Variants in STAP2 observed in about 807,000 individuals in gnomAD.
STAP2 encodes signal transducing adaptor family member 2.
Under a neutral mutation model 52.7 loss-of-function variants are expected in STAP2, and 58 were observed. The observed-to-expected ratio is 1.10, with a 90% CI of 0.89 to 1.37. The LOEUF (loss-of-function observed/expected upper bound fraction) is 1.37. Ranked by LOEUF, STAP2 falls within the 40% of genes most tolerant of loss-of-function variation. The pLI, the probability that STAP2 is intolerant of heterozygous loss-of-function variation, is 0.00. For missense variants in STAP2, 522 were observed against 519.4 expected (o/e 1.00, Z -0.05); for synonymous variants, 231 against 210.5 (o/e 1.10, Z -0.84).
chr19:4,332,175 G>A (rs1971902467), intron 3 of STAP2, 97 bp from the exon 4 acceptor site: 3 of 760,750 alleles, frequency 3.9e-6, no homozygotes, highest in East Asian at 3.4e-5. Flanking sequence ...TCAAAGGGCC[G>A]TTTTCTTTTT....
chr19:4,327,180 T>G lies in STAP2; in HGVS notation c.707A>C (p.His236Pro). 1 of 1,614,122 alleles carries G rather than the reference T, an allele frequency of 6.2e-7. No homozygotes were observed. The change falls in exon 8 of 13, where the codon CAT (histidine) becomes CCT (proline). Residue 236 changes from histidine to proline, a missense_variant. By Grantham distance (77) the His-to-Pro change is moderately conservative. Coordinates refer to ENST00000594605, the MANE Select transcript of STAP2 (RefSeq NM_001013841.2). Reference sequence around the variant, plus strand: ...GAATGGCACCAGCGCCTTTTTGGTATGCGACACGAAATAGTTGACCACGGC... The same window carrying G: ...GAATGGCACCAGCGCCTTTTTGGTAGGCGACACGAAATAGTTGACCACGGC... Reference protein sequence around the residue: ...LDAVVNYFVSHTKKALVPFLL... With the variant: ...LDAVVNYFVSPTKKALVPFLL...
At position 4,332,059 on chromosome 19, in the gene STAP2, C is replaced by G. The variant is rs1174654924; in HGVS notation, c.317G>C (p.Arg106Pro). The change falls in exon 4 of 13, where the codon CGG (arginine) becomes CCG (proline). Residue 106 changes from arginine (R) to proline (P), a missense_variant. Physicochemically the swap from Arg to Pro is moderately radical, Grantham distance 103. Transcript: ENST00000594605. ...TAAGATGAAGCCTTTCCACATTTCCCGACACTCCAAGGTCTCTACCTGGGG... is the reference window on the plus strand; with the variant it reads ...TAAGATGAAGCCTTTCCACATTTCCGGACACTCCAAGGTCTCTACCTGGGG... ...IKFKVETLEC[R>P]EMWKGFILTV... 1 of 1,613,112 alleles carries G rather than the reference C, an allele frequency of 6.2e-7. No individual in the cohort carries two copies. Among genetic ancestry groups the G allele is most frequent in the Non-Finnish European group, 8.5e-7 (1 of 1,179,776 alleles).
intron 1 of STAP2, 89 bp downstream of exon 1, chr19:4,338,563 C>T: frequency 2.5e-6 from 2 of 811,930 alleles, no homozygotes; most frequent in South Asian, 1.7e-5. Context: ...CCCCGCCCCC[C>T]CTTGGCGAGT....
intron 11 of STAP2, 24 bp downstream of exon 11, chr19:4,325,192 G>T (rs1034972635): frequency 2.6e-6 from 4 of 1,557,056 alleles, no homozygotes; most frequent in Non-Finnish European, 3.5e-6. Flanking sequence ...TCAGGTGAGG[G>T]TGGGATATGG....
intron 4 of STAP2, 63 bp from the exon 5 acceptor site, chr19:4,330,124 A>G (rs1971865865): frequency 7.4e-7 from 1 of 1,347,180 alleles, no homozygotes; most frequent in African/African-American, 1.4e-5. Flanking sequence ...GCTGTGCCCA[A>G]GTCACAGAGT....
chr19:4,337,065 C>T (rs1044827988), intron 1 of STAP2, among the ~76,000 whole-genome samples: 6 of 151,900 alleles, frequency 3.9e-5, no homozygotes, highest in African/African-American at 1.2e-4. Flanking sequence ...GGGGCAGAGG[C>T]GGGGACATGG....
chr19:4,333,267 G>T (rs1180617932), intron 3 of STAP2, among the ~76,000 whole-genome samples: 2 of 152,106 alleles, frequency 1.3e-5, no homozygotes, highest in African/African-American at 4.8e-5. Flanking sequence ...AGCCGAGGTG[G>T]GTGGATCACC....
chr19:4,324,295 GC>G (rs1971746482), intron 12 of STAP2, 98 bp from the exon 13 acceptor site: 9 of 1,375,058 alleles, frequency 6.5e-6, no homozygotes, highest in South Asian at 1.2e-5. Flanking sequence ...GATTTGCAGG[GC>G]CCCGTGCAAC....
chr19:4,333,050 C>T lies in STAP2; in HGVS notation c.297+644G>A, dbSNP rs536611977. ...ACCAAAAATACAAAAATTAGCTGTG[C>T]GTGGTGGCACACGCCTGTAATCCCA... is the stretch of plus-strand genomic sequence containing the variant. On this transcript the variant is annotated intron_variant, in intron 3 of 12. Transcript: ENST00000594605. Among the ~76,000 whole-genome samples, 73 of 150,408 alleles carry T rather than the reference C, an allele frequency of 4.9e-4. No homozygotes were observed. The South Asian group carries it at 0.011, about 23-fold the overall frequency.
At chr19:4,334,372 C>T (rs569469723) in intron 1 of STAP2, among the ~76,000 whole-genome samples, 5 of 152,182 alleles carry the variant, frequency 3.3e-5, no homozygotes, top group African/African-American at 1.2e-4. Context: ...TAATGGTATC[C>T]CATTCATCTT....
At position 4,324,191 on chromosome 19, in the gene STAP2, G is replaced by A; in HGVS notation, c.1154C>T (p.Ala385Val). The change falls in exon 13 of 13, where the codon GCA becomes GTA. Residue 385 changes from alanine to valine, a missense_variant. Transcript: ENST00000594605. Reference sequence around the variant, plus strand: ...CTTCTGTAGCTCTGCCGTCATGTCTGCCAGCCCTGGGGGTTCAGGACCAGG... The same window carrying A: ...CTTCTGTAGCTCTGCCGTCATGTCTACCAGCCCTGGGGGTTCAGGACCAGG... The part of the protein sequence containing the change: ...AQPLFPTAGL[A>V]DMTAELQKKL... 1 of 1,551,150 alleles carries A rather than the reference G, an allele frequency of 6.4e-7. No individual in the cohort carries two copies. The highest frequency in any genetic ancestry group is 8.7e-7 in the Non-Finnish European group (1 of 1,146,980).
intron 6 of STAP2, 37 bp downstream of exon 6, chr19:4,328,638 T>G: frequency 1.9e-5 from 12 of 641,726 alleles, no homozygotes; most frequent in Non-Finnish European, 3.0e-5. Flanking sequence ...CTTCCCACCC[T>G]CCTCCCACCC....
At chr19:4,327,647 C>T (rs1294127640) in intron 6 of STAP2, among the ~76,000 whole-genome samples, 4 of 152,010 alleles carry the variant, frequency 2.6e-5, no homozygotes, top group Admixed American at 1.3e-4. Flanking sequence ...CAGAAGACCC[C>T]ACCTCTAGTC....
intron 11 of STAP2, chr19:4,324,937 A>C (rs1971761080): frequency 2.2e-6 from 1 of 451,952 alleles, no homozygotes; most frequent in African/African-American, 2.0e-5. Flanking sequence ...GATCAAGACC[A>C]TCCTGGCTAA....
At chr19:4,337,736 G>A (rs960872094) in intron 1 of STAP2, among the ~76,000 whole-genome samples, 2 of 151,984 alleles carry the variant, frequency 1.3e-5, no homozygotes, top group African/African-American at 2.4e-5. Context: ...CCAGCTACTC[G>A]GGAGGCTGAG....
intron 12 of STAP2, 61 bp from the exon 13 acceptor site, chr19:4,324,258 C>A: frequency 6.6e-7 from 1 of 1,510,766 alleles, no homozygotes; most frequent in Non-Finnish European, 9.0e-7. Context: ...TGCCCACCGC[C>A]CTGACAGCCA....
At position 4,330,017 on chromosome 19, in the gene STAP2, G is replaced by T. The variant is rs149240124; in HGVS notation, c.399C>A (p.Tyr133Ter). The T allele has an allele frequency of 6.2e-7, 1 of 1,613,654 alleles. No homozygotes were observed. Among genetic ancestry groups the T allele is most frequent in the Non-Finnish European group, 8.5e-7 (1 of 1,180,008 alleles). The change falls in exon 5 of 13, where the codon TAC becomes TAA. Residue 133 changes from tyrosine to a stop codon, truncating the protein, a stop_gained. Transcript: ENST00000594605. LOFTEE classifies it high-confidence loss of function. ...CTTTGGCCAAGACTTCAGACATCAT[G>T]TATAGGTGCCCAGGAAGCAGGGTCA... ...TDLTLLPGHLYMMSEVLAKEE... is the reference protein window; with the variant it reads ...TDLTLLPGHL
intron 4 of STAP2, among the ~76,000 whole-genome samples, chr19:4,330,504 CAG>C (rs1290940750): frequency 6.9e-6 from 1 of 145,018 alleles, no homozygotes; most frequent in African/African-American, 2.6e-5. Context: ...GCCTGGGTGA[CAG>C]AGTGAGACTC....
At chr19:4,330,646 C>T (rs1281326386) in intron 4 of STAP2, among the ~76,000 whole-genome samples, 2 of 149,884 alleles carry the variant, frequency 1.3e-5, no homozygotes, top group Admixed American at 1.3e-4. Flanking sequence ...AGGTAGGAAA[C>T]AGGGAAATCA....
Sources: allele counts gnomAD v4.1 joint callset (sites outside exome capture counted in the v4.1 genomes callset), GRCh38; gene constraint gnomAD v4.1.1; transcripts MANE v1.5; gene names NCBI Gene and HGNC (gene_info 2026-07-23, HGNC 2026-07-21).